CADM2: variants seen among roughly 807,000 people sequenced by gnomAD.
CADM2 encodes immunoglobulin superfamily member 4D.
In CADM2, 12 loss-of-function variants were observed where a neutral mutation model predicts 49.8. The ratio of observed to expected loss-of-function variants is 0.24; its 90% CI spans 0.15 to 0.39. CADM2 has a LOEUF of 0.39. CADM2 is among the 10% of genes least tolerant of loss of function. The probability of loss-of-function intolerance (pLI) is 1.00; values close to 1 mark genes in which losing one functional copy is unlikely to be tolerated. For synonymous variants in CADM2, 214 were observed against 175.4 expected, an observed-to-expected ratio of 1.22 and a Z score of -1.74; for missense variants, 378 against 492.3, an observed-to-expected ratio of 0.77 and a Z score of 2.20.
chr3:85,307,535 A>G (rs1576323103), intron 1 of CADM2, among the ~76,000 whole-genome samples: 2 of 151,850 alleles, frequency 1.3e-5, no homozygotes, highest in East Asian at 1.9e-4. Flanking sequence ...ATCCATTTTT[A>G]CAATAATTAA....
At chr3:85,701,936 G>T (rs886915144) in intron 1 of CADM2, among the ~76,000 whole-genome samples, 2 of 151,126 alleles carry the variant, frequency 1.3e-5, no homozygotes, top group African/African-American at 4.9e-5. Flanking sequence ...GAAAGAAAAA[G>T]AAAGAAGAAA....
rs192507331 is a variant in CADM2, at chr3:85,183,922, C to A, written c.61+224254C>A. On this transcript the variant is annotated intron_variant, in intron 1 of 9. Coordinates refer to ENST00000383699, the MANE Select transcript of CADM2 (RefSeq NM_001167675.2). ...ATCAGAATTTTAGAAAAAGTAAAGG[C>A]TTTGCCATTTATTCATAAAATAAGA... Among the ~76,000 whole-genome samples, 561 of 152,086 alleles carry A rather than the reference C, an allele frequency of 3.7e-3. 3 individuals carry two copies. Among genetic ancestry groups the A allele is most frequent in the Non-Finnish European group, 4.2e-3 (288 of 67,970 alleles).
intron 1 of CADM2, among the ~76,000 whole-genome samples, chr3:85,564,129 G>A (rs907582320): frequency 6.6e-6 from 1 of 151,740 alleles, no homozygotes; most frequent in African/African-American, 2.4e-5. Context: ...TCAAAAGTAT[G>A]AGAAAAATTT....
At chr3:85,015,579 G>A (rs2034215516) in intron 1 of CADM2, among the ~76,000 whole-genome samples, 4 of 152,126 alleles carry the variant, frequency 2.6e-5, no homozygotes, top group Admixed American at 2.6e-4. Context: ...ATACAAAAAT[G>A]ATTAATATAA....
At chr3:85,745,866 AT>A (rs2068596536) in intron 2 of CADM2, among the ~76,000 whole-genome samples, 1 of 151,760 alleles carries the variant, frequency 6.6e-6, no homozygotes, top group African/African-American at 2.4e-5. Flanking sequence ...TTCCTTGTTA[AT>A]TTCTCTTTTG....
chr3:85,136,543 G>T (rs528268695), intron 1 of CADM2, among the ~76,000 whole-genome samples: 1 of 151,982 alleles, frequency 6.6e-6, no homozygotes, highest in African/African-American at 2.4e-5. Context: ...CAAAATCAAT[G>T]AATACATAAT....
chr3:85,845,447 C>A (rs72908598), intron 3 of CADM2, among the ~76,000 whole-genome samples: 6,615 of 152,168 alleles, frequency 0.043, 456 homozygotes, highest in African/African-American at 0.15. Flanking sequence ...GATCACTTAC[C>A]AGATGTTTCT....
At chr3:85,830,036 A>G (rs1267439773) in intron 3 of CADM2, among the ~76,000 whole-genome samples, 2 of 151,968 alleles carry the variant, frequency 1.3e-5, no homozygotes, top group African/African-American at 4.8e-5. Flanking sequence ...ACCCAAAAGT[A>G]AGATTGCTGA....
intron 1 of CADM2, among the ~76,000 whole-genome samples, chr3:84,985,912 A>G (rs1450675474): frequency 2.6e-5 from 4 of 152,234 alleles, no homozygotes; most frequent in African/African-American, 9.6e-5. Context: ...CTATGATTTC[A>G]TATTTTTAAA....
chr3:85,944,218 C>T (rs530523801), intron 7 of CADM2, among the ~76,000 whole-genome samples: 15 of 152,154 alleles, frequency 9.9e-5, no homozygotes, highest in East Asian at 7.7e-4. Context: ...ACAACAAGAG[C>T]GAACTATCCT....
chr3:85,661,880 A>G (rs928212620), intron 1 of CADM2, among the ~76,000 whole-genome samples: 11 of 152,060 alleles, frequency 7.2e-5, no homozygotes, highest in African/African-American at 2.7e-4. Flanking sequence ...TCAGGTAGAG[A>G]CAGTAAATAT....
chr3:85,642,461 GAAGAA>G (rs576214010), intron 1 of CADM2, among the ~76,000 whole-genome samples: 93 of 152,062 alleles, frequency 6.1e-4, no homozygotes, highest in African/African-American at 2.1e-3. Context: ...TAGCAAGGAG[GAAGAA>G]TAGAATGGAA....
intron 1 of CADM2, among the ~76,000 whole-genome samples, chr3:85,251,455 T>C (rs13315244): frequency 3.7e-4 from 57 of 152,034 alleles, no homozygotes; most frequent in African/African-American, 1.3e-3. Context: ...AGATTTCAAT[T>C]AATTATTTCA....
rs1235490254 is a variant in CADM2 at position 85,791,519 on chromosome 3, A to AGG, written c.89-10526_89-10525dup. Among the ~76,000 whole-genome samples, 63 of 123,290 alleles carry AGG rather than the reference A, an allele frequency of 5.1e-4. 1 individual carries two copies. In the South Asian group the frequency reaches 0.02, roughly 39 times the overall value. The allele number at this position is 123,290 out of a possible 152,430, so 80.9% of individuals were successfully genotyped here. On this transcript the variant is annotated intron_variant, in intron 2 of 9. Transcript: ENST00000383699. ...ACAGATGACGGAGAGAGGGGTGGGG[A>AGG]GGGAGAGAGAGAGAGAGAGAGAGAA...
At chr3:85,933,477 C>T (rs371646271) in intron 6 of CADM2, among the ~76,000 whole-genome samples, 9 of 152,196 alleles carry the variant, frequency 5.9e-5, no homozygotes, top group South Asian at 2.1e-4. Flanking sequence ...GCACATTCCC[C>T]GCTCAATAAA....
chr3:85,484,564 C>A (rs763534352), intron 1 of CADM2, among the ~76,000 whole-genome samples: 5 of 151,802 alleles, frequency 3.3e-5, no homozygotes, highest in Non-Finnish European at 7.4e-5. Context: ...GTTTAGGGGG[C>A]CAGATATGTG....
intron 3 of CADM2, among the ~76,000 whole-genome samples, chr3:85,839,354 C>T (rs552400789): frequency 6.6e-6 from 1 of 151,870 alleles, no homozygotes; most frequent in African/African-American, 2.4e-5. Context: ...TTTATATCCC[C>T]TTGTCCATTT....
intron 1 of CADM2, among the ~76,000 whole-genome samples, chr3:85,611,608 A>G (rs926848701): frequency 2.6e-5 from 4 of 152,036 alleles, no homozygotes; most frequent in Middle Eastern, 3.4e-3. Flanking sequence ...GTTGGGATCA[A>G]TTAATTCTGT....
At chr3:85,352,494 T>C (rs2107242656) in intron 1 of CADM2, among the ~76,000 whole-genome samples, 1 of 152,244 alleles carries the variant, frequency 6.6e-6, no homozygotes, top group East Asian at 1.9e-4. Flanking sequence ...CTGATTTTGA[T>C]TGCAAATTAG....
Sources: gnomAD v4.1 joint callset for allele counts (sites outside exome capture counted in the v4.1 genomes callset) on GRCh38, gnomAD v4.1.1 for gene constraint, MANE v1.5 for transcripts, NCBI Gene and HGNC (gene_info 2026-07-23, HGNC 2026-07-21) for gene names.